SLC39A11: variants seen among roughly 807,000 people sequenced by gnomAD.
SLC39A11 encodes solute carrier family 39 member 11.
In SLC39A11, 33 loss-of-function variants were observed where a neutral mutation model predicts 36.1. The ratio of observed to expected loss-of-function variants is 0.91; its 90% confidence interval spans 0.69 to 1.22. SLC39A11 has a LOEUF of 1.22. Ranked by LOEUF, SLC39A11 falls within the 50% of genes most tolerant of loss-of-function variation. SLC39A11 has a pLI of 0.00. For missense variants in SLC39A11, 432 were observed against 430.3 expected (o/e 1.00, Z -0.03); for synonymous variants, 166 against 170.3 (o/e 0.97, Z 0.20).
chr17:72,724,863 G>A lies in SLC39A11; in HGVS notation c.671+11787C>T, dbSNP rs943981557. ...TTTCAAAGTCATGTCCAGCCCACCA[G>A]TCCTACAAATTCAAGCCTGTTTTCC... is the stretch of plus-strand genomic sequence containing the variant. On this transcript the variant is annotated intron_variant, in intron 7 of 9. Transcript: ENST00000255559. Among the ~76,000 whole-genome samples, 15 of 151,560 alleles carry A rather than the reference G, an allele frequency of 9.9e-5. 1 individual carries two copies. Among genetic ancestry groups the A allele is most frequent in the Non-Finnish European group, 2.9e-5 (2 of 67,974 alleles).
chr17:72,849,554 C>T, intron 6 of SLC39A11, 80 bp downstream of exon 6: 2 of 1,347,388 alleles, frequency 1.5e-6, no homozygotes, highest in South Asian at 2.1e-5. Context: ...TGCCCCTTCC[C>T]CTTTTCCAGC....
At chr17:72,706,595 G>A (rs1324835623) in intron 7 of SLC39A11, among the ~76,000 whole-genome samples, 1 of 152,232 alleles carries the variant, frequency 6.6e-6, no homozygotes, top group Non-Finnish European at 1.5e-5. Context: ...AAGGAGACAA[G>A]TGAATTCAGC....
chr17:72,944,742 C>T (rs1552845), intron 5 of SLC39A11, among the ~76,000 whole-genome samples: 149,731 of 152,282 alleles, frequency 0.98, 73,657 homozygotes, highest in East Asian at 1. Context: ...AGAATTAACC[C>T]CATGGGCATC....
At chr17:72,721,296 C>T (rs1431417564) in intron 7 of SLC39A11, among the ~76,000 whole-genome samples, 1 of 151,942 alleles carries the variant, frequency 6.6e-6, no homozygotes, top group Admixed American at 6.6e-5. Flanking sequence ...GGGGTTTCAC[C>T]ATGTTGGCCA....
chr17:72,971,434 T>A (rs1201681545), intron 4 of SLC39A11, among the ~76,000 whole-genome samples: 1 of 151,964 alleles, frequency 6.6e-6, no homozygotes, highest in East Asian at 1.9e-4. Flanking sequence ...CCACAGGAAA[T>A]GGCACAGCGC....
chr17:72,830,643 C>A (rs1370707097), intron 6 of SLC39A11, among the ~76,000 whole-genome samples: 1 of 152,098 alleles, frequency 6.6e-6, no homozygotes, highest in Non-Finnish European at 1.5e-5. Flanking sequence ...GGAGGCAAAA[C>A]CCAGTGCTTA....
chr17:72,814,854 A>C (rs1458114647), intron 6 of SLC39A11, among the ~76,000 whole-genome samples: 1 of 152,214 alleles, frequency 6.6e-6, no homozygotes, highest in Non-Finnish European at 1.5e-5. Flanking sequence ...ACAATGGTCC[A>C]CACTTGAGAA....
chr17:72,712,545 T>A (rs2073151756), intron 7 of SLC39A11, among the ~76,000 whole-genome samples: 1 of 152,218 alleles, frequency 6.6e-6, no homozygotes, highest in Non-Finnish European at 1.5e-5. Flanking sequence ...TGGATCCACC[T>A]AAAATTTTGG....
intron 6 of SLC39A11, among the ~76,000 whole-genome samples, chr17:72,820,187 C>T (rs1467931940): frequency 6.6e-6 from 1 of 151,116 alleles, no homozygotes; most frequent in African/African-American, 2.4e-5. Context: ...GGTACCATTG[C>T]CTGCTGGAAA....
intron 7 of SLC39A11, among the ~76,000 whole-genome samples, chr17:72,714,153 C>T (rs1394261167): frequency 1.3e-5 from 2 of 152,016 alleles, no homozygotes; most frequent in African/African-American, 4.8e-5. Flanking sequence ...GTCAGGAGTT[C>T]GAGACCAGCC....
chr17:73,088,798 T>C, intron 1 of SLC39A11, 23 bp from the exon 2 acceptor site: 2 of 1,540,654 alleles, frequency 1.3e-6, no homozygotes, highest in Non-Finnish European at 1.8e-6. Context: ...AGCGAGAGGG[T>C]CAGCCACCGG....
At chr17:72,846,751 G>A (rs115488315) in intron 6 of SLC39A11, among the ~76,000 whole-genome samples, 280 of 152,282 alleles carry the variant, frequency 1.8e-3, no homozygotes, top group African/African-American at 3.1e-3. Flanking sequence ...AATAGTTGCC[G>A]TAATACACCT....
chr17:73,061,379 G>A (rs1014349016), intron 3 of SLC39A11, among the ~76,000 whole-genome samples: 5 of 152,034 alleles, frequency 3.3e-5, no homozygotes, highest in Non-Finnish European at 7.4e-5. Flanking sequence ...AAAATTCTCA[G>A]AACTCGTATG....
At chr17:72,950,806 T>C (rs531942845) in intron 4 of SLC39A11, among the ~76,000 whole-genome samples, 1 of 152,278 alleles carries the variant, frequency 6.6e-6, no homozygotes, top group South Asian at 2.1e-4. Flanking sequence ...ACATTTGTTT[T>C]CAATTATGTG....
intron 7 of SLC39A11, among the ~76,000 whole-genome samples, chr17:72,715,350 A>T (rs905791560): frequency 6.6e-6 from 1 of 152,256 alleles, no homozygotes; most frequent in Non-Finnish European, 1.5e-5. Context: ...TCTTACATTC[A>T]TGTTCACAAG....
rs1555676170 is a variant in SLC39A11 at position 73,008,165 on chromosome 17, GTTT to G, written c.306+23388_306+23390del. The stretch of plus-strand genomic sequence containing the variant: ...TGTTGGGGTTTGTTGTTTTTTTTTT[GTTT>G]TTTTTTTTTTGAGATGGGGTCTTAC... On this transcript the variant is annotated intron_variant, in intron 4 of 9. Transcript: ENST00000255559. Among the ~76,000 whole-genome samples the G allele has an allele frequency of 8.0e-3, 263 of 32,806 alleles. 3 individuals carry two copies. The highest frequency in any genetic ancestry group is 0.019 in the Non-Finnish European group (136 of 6,994). The allele number at this position is 32,806 out of a possible 152,430, so 21.5% of individuals were successfully genotyped here.
chr17:72,908,500 G>A (rs933369365), intron 5 of SLC39A11, among the ~76,000 whole-genome samples: 8 of 152,176 alleles, frequency 5.3e-5, no homozygotes, highest in South Asian at 2.1e-4. Context: ...CTACCGTGCC[G>A]TCTCTGCCAA....
At chr17:72,652,181 G>C (rs1232175274) in intron 7 of SLC39A11, among the ~76,000 whole-genome samples, 1 of 152,212 alleles carries the variant, frequency 6.6e-6, no homozygotes, top group Non-Finnish European at 1.5e-5. Flanking sequence ...AAATGAGTGG[G>C]GGGCCAGATT....
At chr17:73,048,945 T>C (rs926140293) in intron 3 of SLC39A11, among the ~76,000 whole-genome samples, 1 of 152,188 alleles carries the variant, frequency 6.6e-6, no homozygotes, top group African/African-American at 2.4e-5. Flanking sequence ...ATAACGCAGA[T>C]GTGCTGCGTG....
Sources: gnomAD v4.1 joint callset for allele counts (sites outside exome capture counted in the v4.1 genomes callset) on GRCh38, gnomAD v4.1.1 for gene constraint, MANE v1.5 for transcripts, NCBI Gene and HGNC (gene_info 2026-07-23, HGNC 2026-07-21) for gene names.